ATP8A2: variants seen among roughly 807,000 people sequenced by gnomAD.
The protein encoded by ATP8A2 is phospholipid-transporting ATPase IB.
A neutral mutation model predicts 165.6 loss-of-function variants in ATP8A2; 100 were observed. The observed-to-expected ratio is 0.60, with a 90% confidence interval of 0.51 to 0.71. The LOEUF is 0.71. ATP8A2 is among the 30% of genes least tolerant of loss of function. The pLI is 0.00. For synonymous variants in ATP8A2, 543 were observed against 548.8 expected (o/e 0.99, Z 0.15); for missense variants, 1,227 against 1,479.5 (o/e 0.83, Z 2.80).
In ATP8A2 at chr13:26,022,331, A is replaced by G. The variant is rs548899418; in HGVS notation, c.*2346A>G. 1 of 152,274 alleles carries G rather than the reference A, an allele frequency of 6.6e-6. No homozygotes were observed. Among genetic ancestry groups the G allele is most frequent in the South Asian group, 2.1e-4 (1 of 4,826 alleles). The allele number at this position is 152,274 out of a possible 1,614,324, so 9.4% of individuals were successfully genotyped here. A position where few individuals can be genotyped will look rare whatever the true frequency, so the allele number is the denominator to read the frequency against. On this transcript the variant is annotated 3_prime_UTR_variant, in exon 37 of 37. Coordinates refer to ENST00000381655, the MANE Select transcript of ATP8A2 (RefSeq NM_016529.6). ...GGATTAGAAATTGAATTCTTTGTCA[A>G]ACAGTTAGCTCTGTCTTGAACTTGA... is the stretch of plus-strand genomic sequence containing the variant.
chr13:25,971,863 T>G (rs1042161190), intron 35 of ATP8A2, among the ~76,000 whole-genome samples: 2 of 152,036 alleles, frequency 1.3e-5, no homozygotes, highest in South Asian at 2.1e-4. Flanking sequence ...GAGCCCATCC[T>G]CCCTGAAACC....
At chr13:25,527,194 G>A (rs2037869166) in intron 2 of ATP8A2, among the ~76,000 whole-genome samples, 1 of 152,114 alleles carries the variant, frequency 6.6e-6, no homozygotes, top group Non-Finnish European at 1.5e-5. Context: ...AAACCTCATT[G>A]TATTACACCT....
intron 25 of ATP8A2, among the ~76,000 whole-genome samples, chr13:25,758,135 G>A (rs2044303273): frequency 6.6e-6 from 1 of 152,174 alleles, no homozygotes; most frequent in Non-Finnish European, 1.5e-5. Flanking sequence ...TGGCTTCTCT[G>A]AACAGGGGAT....
chr13:25,786,228 G>C (rs76721996), intron 27 of ATP8A2, among the ~76,000 whole-genome samples: 1 of 152,090 alleles, frequency 6.6e-6, no homozygotes, highest in Non-Finnish European at 1.5e-5. Context: ...GCGTTCTAAC[G>C]ATACATCTGA....
intron 24 of ATP8A2, among the ~76,000 whole-genome samples, chr13:25,602,780 A>G (rs1340379907): frequency 6.6e-6 from 1 of 152,190 alleles, no homozygotes; most frequent in African/African-American, 2.4e-5. Context: ...ACCTTTTAAA[A>G]GGATATCTGG....
chr13:25,813,677 T>TC (rs112030290), intron 27 of ATP8A2, among the ~76,000 whole-genome samples: 3,266 of 152,224 alleles, frequency 0.021, 110 homozygotes, highest in African/African-American at 0.075. Context: ...TAGCCATGTG[T>TC]CCCCAGTACC....
At chr13:25,572,258 C>T (rs1283254649) in intron 18 of ATP8A2, among the ~76,000 whole-genome samples, 4 of 152,184 alleles carry the variant, frequency 2.6e-5, no homozygotes, top group African/African-American at 4.8e-5. Flanking sequence ...CCTCAGCCTC[C>T]GGAGTAGCTG....
chr13:25,899,297 A>G (rs1450913236), intron 33 of ATP8A2, among the ~76,000 whole-genome samples: 1 of 152,196 alleles, frequency 6.6e-6, no homozygotes, highest in Non-Finnish European at 1.5e-5. Flanking sequence ...TGCCCTGGCA[A>G]TTCTGTGTTA....
chr13:25,810,083 C>G (rs1025499162), intron 27 of ATP8A2, among the ~76,000 whole-genome samples: 17 of 152,090 alleles, frequency 1.1e-4, no homozygotes, highest in Admixed American at 3.9e-4. Context: ...ATTTTGAACC[C>G]CAGGAGAACA....
chr13:25,907,488 T>C (rs568543423), intron 33 of ATP8A2, among the ~76,000 whole-genome samples: 36 of 152,392 alleles, frequency 2.4e-4, no homozygotes, highest in African/African-American at 8.2e-4. Flanking sequence ...ACAGTGGTCT[T>C]AGACCTGTCT....
intron 24 of ATP8A2, among the ~76,000 whole-genome samples, chr13:25,621,468 T>G (rs1213122923): frequency 6.6e-5 from 10 of 152,196 alleles, no homozygotes. Flanking sequence ...CAAATATTCT[T>G]ATATTCTATA....
At chr13:25,662,248 A>G (rs74041063) in intron 24 of ATP8A2, among the ~76,000 whole-genome samples, 5,373 of 152,276 alleles carry the variant, frequency 0.035, 295 homozygotes, top group African/African-American at 0.12. Flanking sequence ...ACTTGCCATG[A>G]TGAGTGTGCA....
chr13:25,907,072 A>G (rs1431565034), intron 33 of ATP8A2, among the ~76,000 whole-genome samples: 2 of 152,210 alleles, frequency 1.3e-5, no homozygotes, highest in Admixed American at 6.5e-5. Flanking sequence ...TCTACCAAAA[A>G]TGCAAAAAAC....
intron 24 of ATP8A2, among the ~76,000 whole-genome samples, chr13:25,625,897 A>G (rs1302069048): frequency 2.6e-5 from 4 of 152,204 alleles, no homozygotes; most frequent in African/African-American, 7.2e-5. Flanking sequence ...TGACCTGTCA[A>G]AGGTCACACA....
At chr13:25,832,419 T>C (rs1951502851) in intron 28 of ATP8A2, among the ~76,000 whole-genome samples, 1 of 152,192 alleles carries the variant, frequency 6.6e-6, no homozygotes. Flanking sequence ...AAGAAAACTG[T>C]AGGCCAGTCT....
intron 24 of ATP8A2, among the ~76,000 whole-genome samples, chr13:25,668,923 A>G (rs1226668262): frequency 6.6e-6 from 1 of 151,936 alleles, no homozygotes; most frequent in Non-Finnish European, 1.5e-5. Context: ...GATATTAGCT[A>G]TTTGCTTATA....
At position 25,837,154 on chromosome 13, in the gene ATP8A2, T is replaced by A; in HGVS notation, c.2755-9T>A. 6 of 1,613,324 alleles carry A rather than the reference T, an allele frequency of 3.7e-6. No individual in the cohort carries two copies. The highest frequency in any genetic ancestry group is 5.1e-6 in the Non-Finnish European group (6 of 1,179,718). On this transcript the variant is annotated splice_polypyrimidine_tract_variant and intron_variant, in intron 28 of 36. Coordinates refer to ENST00000381655, the MANE Select transcript of ATP8A2 (RefSeq NM_016529.6). ...GGCTGCTTTTAATGGCTCATTGTTCTCCCTGCAGATTTTCACCGCTTTGCC... is the reference window on the plus strand; with the variant it reads ...GGCTGCTTTTAATGGCTCATTGTTCACCCTGCAGATTTTCACCGCTTTGCC...
chr13:25,962,590 G>A (rs1955682720), intron 34 of ATP8A2, among the ~76,000 whole-genome samples: 1 of 152,102 alleles, frequency 6.6e-6, no homozygotes, highest in Admixed American at 6.5e-5. Context: ...TTTGTTTTGG[G>A]TCGACCCAAT....
intron 36 of ATP8A2, among the ~76,000 whole-genome samples, chr13:26,018,315 T>C (rs1316802776): frequency 2.0e-5 from 3 of 152,198 alleles, no homozygotes; most frequent in African/African-American, 7.2e-5. Context: ...TAAAGTCTCC[T>C]CCTCTTCTCC....
Sources: gnomAD v4.1 joint callset for allele counts (sites outside exome capture counted in the v4.1 genomes callset) on GRCh38, gnomAD v4.1.1 for gene constraint, MANE v1.5 for transcripts, NCBI Gene and HGNC (gene_info 2026-07-23, HGNC 2026-07-21) for gene names.